The following GRIA2 variants were observed in gnomAD, a reference collection of about 807,000 sequenced individuals.
GRIA2 encodes glutamate receptor 2.
A neutral mutation model predicts 97.3 loss-of-function variants in GRIA2; 14 were observed. That is an observed-to-expected ratio of 0.14 (90% CI 0.10 to 0.23). The LOEUF (loss-of-function observed/expected upper bound fraction) is 0.23. Among genes scored for constraint, GRIA2 ranks in the 10% least tolerant of loss-of-function variants. The pLI is 1.00. For missense variants in GRIA2, 558 were observed against 1,069.8 expected (o/e 0.52, Z 6.67); for synonymous variants, 412 against 387.8 (o/e 1.06, Z -0.73).
chr4:157,244,121 G>C (rs1730627273), intron 2 of GRIA2, among the ~76,000 whole-genome samples: 2 of 151,932 alleles, frequency 1.3e-5, no homozygotes, highest in African/African-American at 2.4e-5. Flanking sequence ...TGAAGAGTTG[G>C]GGAAAGAGCA....
chr4:157,280,258 A>T (rs1732534764), intron 2 of GRIA2, among the ~76,000 whole-genome samples: 1 of 152,118 alleles, frequency 6.6e-6, no homozygotes, highest in African/African-American at 2.4e-5. Flanking sequence ...ATGAAATGTC[A>T]AGGAACTGTG....
At chr4:157,297,120 A>G (rs1033018823) in intron 2 of GRIA2, among the ~76,000 whole-genome samples, 1 of 152,132 alleles carries the variant, frequency 6.6e-6, no homozygotes, top group Non-Finnish European at 1.5e-5. Flanking sequence ...GCTTTTTGAG[A>G]GGTTATTTCA....
chr4:157,300,895 A>G (rs888037061), intron 2 of GRIA2, among the ~76,000 whole-genome samples: 7 of 152,072 alleles, frequency 4.6e-5, no homozygotes, highest in African/African-American at 1.7e-4. Context: ...GCCTAAAACA[A>G]ATCGAAAATG....
chr4:157,250,645 A>G (rs1012639552), intron 2 of GRIA2, among the ~76,000 whole-genome samples: 1 of 152,126 alleles, frequency 6.6e-6, no homozygotes, highest in Admixed American at 6.6e-5. Flanking sequence ...ATAGAAACAT[A>G]TAAACACATA....
intron 3 of GRIA2, among the ~76,000 whole-genome samples, chr4:157,306,866 C>T (rs560478664): frequency 6.6e-6 from 1 of 152,122 alleles, no homozygotes; most frequent in Non-Finnish European, 1.5e-5. Context: ...TAGGCACCTC[C>T]TTGCTTTAGT....
chr4:157,260,264 A>G (rs1289511840), intron 2 of GRIA2, among the ~76,000 whole-genome samples: 1 of 152,078 alleles, frequency 6.6e-6, no homozygotes, highest in African/African-American at 2.4e-5. Context: ...ATATCAGATT[A>G]TGTACCATTT....
rs1244880217 is a variant in GRIA2 at position 157,361,571 on chromosome 4, T to A, written c.2406+447T>A. On this transcript the variant is annotated intron_variant, in intron 14 of 15. Transcript: ENST00000264426. The surrounding 1 kb of genome is among the most constrained non-coding windows in gnomAD (Gnocchi z 5.2). Reference sequence around the variant, plus strand: ...TAAATCTTGCAGTATTGAAACTCAGTGAGCAAGGCGTCTTAGACAAGCTGA... The same window carrying A: ...TAAATCTTGCAGTATTGAAACTCAGAGAGCAAGGCGTCTTAGACAAGCTGA... 6.2e-7 allele frequency: 1 copy of A among 1,612,108 alleles called. No individual in the cohort carries two copies.
chr4:157,345,191 A>G (rs1735715430), intron 12 of GRIA2, among the ~76,000 whole-genome samples: 2 of 152,128 alleles, frequency 1.3e-5, no homozygotes, highest in African/African-American at 4.8e-5. Flanking sequence ...TTTCTAATTT[A>G]AAATCTATAC....
At chr4:157,352,920 G>A (rs540311004) in intron 12 of GRIA2, among the ~76,000 whole-genome samples, 10 of 151,866 alleles carry the variant, frequency 6.6e-5, no homozygotes, top group African/African-American at 2.2e-4. Context: ...TTAGTTAGGC[G>A]TGTTGGCGGG....
chr4:157,220,716 G>A (rs938649966), upstream of GRIA2: 6 of 361,654 alleles, frequency 1.7e-5, no homozygotes, highest in Non-Finnish European at 3.1e-5. Flanking sequence ...AGAAGAGAGC[G>A]CGAGAGAGGG....
intron 11 of GRIA2, among the ~76,000 whole-genome samples, chr4:157,339,535 A>G (rs1253084405): frequency 6.6e-6 from 1 of 151,976 alleles, no homozygotes; most frequent in Non-Finnish European, 1.5e-5. Flanking sequence ...TTTAGATATC[A>G]TGTACATTTT....
At chr4:157,285,306 A>ATTCATT (rs1378443203) in intron 2 of GRIA2, among the ~76,000 whole-genome samples, 1 of 151,446 alleles carries the variant, frequency 6.6e-6, no homozygotes, top group Non-Finnish European at 1.5e-5. Context: ...CACAATTCTA[A>ATTCATT]TTCATTTTCA....
At chr4:157,353,516 A>G (rs1272039367) in intron 12 of GRIA2, among the ~76,000 whole-genome samples, 1 of 123,998 alleles carries the variant, frequency 8.1e-6, no homozygotes, top group African/African-American at 3.1e-5. Flanking sequence ...TAAAAATAAT[A>G]AAAAAAAAAA....
intron 2 of GRIA2, among the ~76,000 whole-genome samples, chr4:157,239,147 A>C (rs1230898000): frequency 2.6e-5 from 4 of 152,050 alleles, no homozygotes; most frequent in Non-Finnish European, 5.9e-5. Flanking sequence ...GATGTCATTG[A>C]TTAGAACTAT....
chr4:157,341,094 C>T (rs1037474723), intron 11 of GRIA2, among the ~76,000 whole-genome samples, 170 bp from the exon 12 acceptor site: 2 of 152,026 alleles, frequency 1.3e-5, no homozygotes, highest in Admixed American at 1.3e-4. Context: ...CTACTCTGTA[C>T]TCCTTGCCCA....
intron 6 of GRIA2, among the ~76,000 whole-genome samples, chr4:157,330,585 A>G (rs576481352): frequency 1.3e-5 from 2 of 152,010 alleles, no homozygotes; most frequent in East Asian, 3.9e-4. Flanking sequence ...CTGGTATCAG[A>G]GATCACAGTA....
chr4:157,248,638 CCT>C (rs1366405805), intron 2 of GRIA2, among the ~76,000 whole-genome samples: 16 of 109,708 alleles, frequency 1.5e-4, no homozygotes, highest in African/African-American at 5.6e-4. Context: ...TATATATACA[CCT>C]GTATATATAT....
chr4:157,333,513 T>G (rs1579371423), intron 8 of GRIA2, among the ~76,000 whole-genome samples, 160 bp downstream of exon 8: 1 of 152,006 alleles, frequency 6.6e-6, no homozygotes, highest in South Asian at 2.1e-4. Flanking sequence ...TAAAGTCTGT[T>G]TATTTCTGGT....
intron 2 of GRIA2, among the ~76,000 whole-genome samples, chr4:157,262,773 C>T (rs1731601943): frequency 1.3e-5 from 2 of 151,782 alleles, no homozygotes; most frequent in Non-Finnish European, 1.5e-5. Context: ...CTCATTAACC[C>T]CTAAAGAAAG....
Sources: allele counts gnomAD v4.1 joint callset (sites outside exome capture counted in the v4.1 genomes callset), GRCh38; gene constraint gnomAD v4.1.1; non-coding constraint Gnocchi (gnomAD v3.1); transcripts MANE v1.5; gene names NCBI Gene and HGNC (gene_info 2026-07-23, HGNC 2026-07-21).